The following FBXL14 variants were observed in gnomAD, a reference collection of about 807,000 sequenced individuals.
FBXL14 encodes the protein F-box and leucine rich repeat protein 14.
Under a neutral mutation model 24.5 loss-of-function variants are expected in FBXL14, and 11 were observed. The observed-to-expected ratio is 0.45, with a 90% CI of 0.28 to 0.74. The LOEUF (loss-of-function observed/expected upper bound fraction) is 0.74. Among genes scored for constraint, FBXL14 ranks in the 30% least tolerant of loss-of-function variants. FBXL14 has a pLI of 0.12. For synonymous variants in FBXL14, 294 were observed against 240.4 expected (o/e 1.22, Z -2.06); for missense variants, 384 against 545.6 (o/e 0.70, Z 2.95).
chr12:1,572,107 A>G (rs2094446444), intron 1 of FBXL14, among the ~76,000 whole-genome samples: 1 of 152,306 alleles, frequency 6.6e-6, no homozygotes, highest in South Asian at 2.1e-4. Flanking sequence ...TACGTGGGGG[A>G]GTCAGGAAAG....
At position 1,567,716 on chromosome 12, in the gene FBXL14, A is replaced by G. The variant is rs994355726; in HGVS notation, c.1195-906T>C. The stretch of plus-strand genomic sequence containing the variant: ...GAGATGGGAATCTAAGAAAAAACCA[A>G]ATGAAGTGACAGAGAGCAAAGCACG... On this transcript the variant is annotated intron_variant, in intron 1 of 1. Coordinates refer to ENST00000339235, the MANE Select transcript of FBXL14 (RefSeq NM_152441.3). This position sits in a 1 kb window ranked among gnomAD's most constrained non-coding sequence, Gnocchi z 4.8. Among the ~76,000 whole-genome samples the G allele has an allele frequency of 1.3e-5, 2 of 152,188 alleles. No individual in the cohort carries two copies. The highest frequency in any genetic ancestry group is 6.5e-5 in the Admixed American group (1 of 15,278).
At chr12:1,585,283 C>T (rs369975106) in intron 1 of FBXL14, among the ~76,000 whole-genome samples, 6 of 151,944 alleles carry the variant, frequency 3.9e-5, no homozygotes, top group South Asian at 2.1e-4. Flanking sequence ...CTGTGGTCCC[C>T]GCTACTCGGG....
intron 1 of FBXL14, among the ~76,000 whole-genome samples, chr12:1,580,558 T>C (rs2094464276): frequency 6.6e-6 from 1 of 152,142 alleles, no homozygotes; most frequent in Non-Finnish European, 1.5e-5. Flanking sequence ...TGCTGCCCCC[T>C]ATTCTTCTCT....
rs1223666471 is a variant in FBXL14 at position 1,569,229 on chromosome 12, T to G, written c.1195-2419A>C. Among the ~76,000 whole-genome samples, 2 of 152,224 alleles carry G rather than the reference T, an allele frequency of 1.3e-5. No homozygotes were observed. Among genetic ancestry groups the G allele is most frequent in the African/African-American group, 2.4e-5 (1 of 41,538 alleles). Reference sequence around the variant, plus strand: ...CCAGGTTGAGGAAAGGTAGTGGTTGTTTGTGAAGTGGTCATTTATTTTATC... The same window carrying G: ...CCAGGTTGAGGAAAGGTAGTGGTTGGTTGTGAAGTGGTCATTTATTTTATC... On this transcript the variant is annotated intron_variant, in intron 1 of 1. Transcript: ENST00000339235. The surrounding 1 kb of genome is among the most constrained non-coding windows in gnomAD (Gnocchi z 4.2).
chr12:1,594,558 G>T lies in FBXL14; in HGVS notation c.-492C>A, dbSNP rs1288038925. 6.7e-6 allele frequency among the ~76,000 whole-genome samples: 1 copy of T among 148,402 alleles called. No homozygotes were observed. The highest frequency in any genetic ancestry group is 6.7e-5 in the Admixed American group (1 of 14,954). On this transcript the variant is annotated 5_prime_UTR_variant, in exon 1 of 2. Transcript: ENST00000339235. ...CCGGGCGCGGAGGAGGCTTCCTGCT[G>T]CCTTTGTCTCTCGCCCGCTTTTCAA...
Position 1,593,655 on chromosome 12 carries a change from T to C in FBXL14, c.412A>G (p.Ile138Val). The C allele has an allele frequency of 6.2e-7, 1 of 1,614,154 alleles. No individual in the cohort carries two copies. Among genetic ancestry groups the C allele is most frequent in the Non-Finnish European group, 8.5e-7 (1 of 1,180,020 alleles). ...KQITDSSLGR[I>V]AQYLKGLEVL... ...TCCAGGCCCTTGAGGTACTGGGCTA[T>C]GCGGCCCAGGCTGCTGTCAGTGATC... The change falls in exon 1 of 2, where the codon ATA becomes GTA. Residue 138 changes from isoleucine to valine, a missense_variant. By Grantham distance (29) the Ile-to-Val change is conservative. Coordinates refer to ENST00000339235, the MANE Select transcript of FBXL14 (RefSeq NM_152441.3). This position sits in a 1 kb window ranked among gnomAD's most constrained non-coding sequence, Gnocchi z 7.4.
intron 1 of FBXL14, among the ~76,000 whole-genome samples, chr12:1,571,723 G>A (rs1282260332): frequency 6.6e-6 from 1 of 152,224 alleles, no homozygotes; most frequent in Non-Finnish European, 1.5e-5. Context: ...TTTCTCACCA[G>A]CAAGGTTACT....
At chr12:1,581,461 T>C (rs1349555444) in intron 1 of FBXL14, among the ~76,000 whole-genome samples, 2 of 152,046 alleles carry the variant, frequency 1.3e-5, no homozygotes, top group African/African-American at 2.4e-5. Flanking sequence ...AGTCACGTGG[T>C]TTGGATGGAG....
intron 1 of FBXL14, among the ~76,000 whole-genome samples, chr12:1,591,346 TG>T (rs373668594): frequency 2.1e-4 from 15 of 72,362 alleles, no homozygotes; most frequent in Non-Finnish European, 3.3e-4. Context: ...ACAAGGCTGT[TG>T]TTTTTTTTTT....
At chr12:1,585,352 T>G (rs1336454843) in intron 1 of FBXL14, among the ~76,000 whole-genome samples, 3 of 151,196 alleles carry the variant, frequency 2.0e-5, no homozygotes, top group Admixed American at 2.0e-4. Flanking sequence ...GAGCCAAGAT[T>G]GTGCCACTGT....
chr12:1,593,827 G>A lies in FBXL14; in HGVS notation c.240C>T (p.Arg80=), dbSNP rs931362759. Residue 80 remains arginine, a synonymous_variant, in exon 1 of 2, where the codon CGC becomes CGT. Coordinates refer to ENST00000339235, the MANE Select transcript of FBXL14 (RefSeq NM_152441.3). This position sits in a 1 kb window ranked among gnomAD's most constrained non-coding sequence, Gnocchi z 7.4. Reference sequence around the variant, plus strand: ...TGCCCTGGATCACGTAGCTGAGGCTGCGGCGGAGGCTCAGGATCTGCACCC... The same window carrying A: ...TGCCCTGGATCACGTAGCTGAGGCTACGGCGGAGGCTCAGGATCTGCACCC... The part of the protein sequence containing the change: ...IRRVQILSLR[R]SLSYVIQGMA... 2.5e-6 allele frequency: 4 copies of A among 1,613,920 alleles called. No homozygotes were observed. The African/African-American group carries it at 5.3e-5, about 22-fold the overall frequency.
intron 1 of FBXL14, among the ~76,000 whole-genome samples, chr12:1,586,345 C>T (rs550178573): frequency 4.6e-5 from 7 of 151,788 alleles, no homozygotes; most frequent in Admixed American, 3.9e-4. Flanking sequence ...GGCAACAGAG[C>T]GAGACTCTGT....
intron 1 of FBXL14, among the ~76,000 whole-genome samples, chr12:1,585,599 C>T (rs2094474988): frequency 6.6e-6 from 1 of 152,180 alleles, no homozygotes; most frequent in African/African-American, 2.4e-5. Flanking sequence ...TGTTTTCCCA[C>T]AGTCCAGTTC....
At chr12:1,577,325 C>A (rs1464118490) in intron 1 of FBXL14, among the ~76,000 whole-genome samples, 1 of 152,048 alleles carries the variant, frequency 6.6e-6, no homozygotes, top group African/African-American at 2.4e-5. Flanking sequence ...AAGGATGTAG[C>A]CCCTCCTCGG....
chr12:1,588,939 C>T (rs1250866585), intron 1 of FBXL14, among the ~76,000 whole-genome samples: 1 of 151,840 alleles, frequency 6.6e-6, no homozygotes, highest in Non-Finnish European at 1.5e-5. Context: ...CCAAGAGTCA[C>T]CCCTATTCCC....
chr12:1,589,850 C>T (rs975720749), intron 1 of FBXL14, among the ~76,000 whole-genome samples: 3 of 152,150 alleles, frequency 2.0e-5, no homozygotes, highest in Non-Finnish European at 4.4e-5. Flanking sequence ...AATTTGCCGA[C>T]CTTTAGTCAA....
At chr12:1,586,910 G>GT (rs2094477827) in intron 1 of FBXL14, among the ~76,000 whole-genome samples, 1 of 152,198 alleles carries the variant, frequency 6.6e-6, no homozygotes, top group African/African-American at 2.4e-5. Context: ...ATCCTTGTAA[G>GT]TTTTTTATAA....
At chr12:1,592,393 T>C (rs1453770251) in intron 1 of FBXL14, among the ~76,000 whole-genome samples, 1 of 151,344 alleles carries the variant, frequency 6.6e-6, no homozygotes. Flanking sequence ...AGTGGAAGGG[T>C]GAAAAGGCCT....
chr12:1,594,625 G>C (rs978865171), upstream of FBXL14, among the ~76,000 whole-genome samples: 2 of 148,852 alleles, frequency 1.3e-5, no homozygotes, highest in African/African-American at 2.4e-5. Context: ...CGCCCAGGCG[G>C]GGGGACCAGG....
Sources: gnomAD v4.1 joint callset for allele counts (sites outside exome capture counted in the v4.1 genomes callset) on GRCh38, gnomAD v4.1.1 for gene constraint, Gnocchi (gnomAD v3.1) non-coding constraint, MANE v1.5 for transcripts, NCBI Gene and HGNC (gene_info 2026-07-23, HGNC 2026-07-21) for gene names.